GBP3: variants seen among roughly 807,000 people sequenced by gnomAD.
GBP3 encodes guanylate binding protein 3.
In GBP3, 55 loss-of-function variants were observed where a neutral mutation model predicts 62.4. The observed-to-expected ratio is 0.88, with a 90% CI of 0.71 to 1.10. The LOEUF (loss-of-function observed/expected upper bound fraction) is 1.10, where lower values mean the gene tolerates loss of function less well. GBP3 is among the 50% of genes least tolerant of loss of function. The pLI, the probability that GBP3 is intolerant of heterozygous loss-of-function variation, is 0.00. For missense variants in GBP3, 605 were observed against 690.6 expected (o/e 0.88, Z 1.39); for synonymous variants, 208 against 259.2 (o/e 0.80, Z 1.90).
intron 7 of GBP3, among the ~76,000 whole-genome samples, 160 bp from the exon 8 acceptor site, chr1:89,011,276 T>C (rs1326705953): frequency 7.2e-6 from 1 of 139,738 alleles, no homozygotes; most frequent in South Asian, 2.3e-4. Flanking sequence ...CCCCACTTTC[T>C]ACTGAAATCG....
chr1:89,010,818 T>C (rs972810698), intron 8 of GBP3, 86 bp downstream of exon 8: 1 of 1,421,374 alleles, frequency 7.0e-7, no homozygotes, highest in African/African-American at 1.4e-5. Context: ...AAAAAGCACA[T>C]CTGTGTGCAG....
Position 89,013,256 on chromosome 1 carries a change from T to C in GBP3, c.797A>G (p.Asp266Gly), listed in dbSNP as rs1441861348. 1 of 1,614,206 alleles carries C rather than the reference T, an allele frequency of 6.2e-7. No individual in the cohort carries two copies. The change falls in exon 6 of 11, where the codon GAC becomes GGC. Residue 266 changes from aspartate to glycine, a missense_variant. Transcript: ENST00000370481. Reference sequence around the variant, plus strand: ...ATTGCTAAAGATGTAGGAACAGAAGTCTGCTACTTGTTGCACAAATTCAGG... The same window carrying C: ...ATTGCTAAAGATGTAGGAACAGAAGCCTGCTACTTGTTGCACAAATTCAGG... ...LDPEFVQQVA[D>G]FCSYIFSNSK...
At chr1:89,014,008 T>A in intron 5 of GBP3, 75 bp downstream of exon 5, 1 of 1,453,712 alleles carries the variant, frequency 6.9e-7, no homozygotes, top group Non-Finnish European at 9.6e-7. Context: ...GTGAGAAAAC[T>A]ATCAATAGTA....
intron 2 of GBP3, among the ~76,000 whole-genome samples, chr1:89,018,664 T>C (rs956609214): frequency 6.6e-6 from 1 of 152,186 alleles, no homozygotes; most frequent in Non-Finnish European, 1.5e-5. Flanking sequence ...CTGTATACTG[T>C]ACTTCTGCAT....
chr1:89,017,035 A>C (rs1170705577), intron 2 of GBP3, among the ~76,000 whole-genome samples: 2 of 152,234 alleles, frequency 1.3e-5, no homozygotes, highest in Non-Finnish European at 2.9e-5. Flanking sequence ...AAATTTCAAG[A>C]GATCCCCAAA....
In GBP3 at chr1:89,014,292, C is replaced by T; in HGVS notation, c.429-13G>A. 2 of 1,614,008 alleles carry T rather than the reference C, an allele frequency of 1.2e-6. No individual in the cohort carries two copies. The highest frequency in any genetic ancestry group is 2.2e-5 in the South Asian group (2 of 91,086). On this transcript the variant is annotated splice_polypyrimidine_tract_variant and intron_variant, in intron 4 of 10. Coordinates refer to ENST00000370481, the MANE Select transcript of GBP3 (RefSeq NM_018284.3). ...CTCTGTCACATAGCTGAGTAGCTAA[C>T]TAAGGAAATGTGACAAAATGAACAG... is the stretch of plus-strand genomic sequence containing the variant.
rs1359058878 is a variant in GBP3, at chr1:89,007,475, A to G, written c.*249T>C. On this transcript the variant is annotated 3_prime_UTR_variant, in exon 11 of 11. Transcript: ENST00000370481. Reference sequence around the variant, plus strand: ...TCAGTATCCACTGGTCGTCTGGAAGAATAAACTTCTGAGTGGTGGCAACTC... The same window carrying G: ...TCAGTATCCACTGGTCGTCTGGAAGGATAAACTTCTGAGTGGTGGCAACTC... 13 of 359,958 alleles carry G rather than the reference A, an allele frequency of 3.6e-5. No homozygotes were observed. The highest frequency in any genetic ancestry group is 5.0e-5 in the Non-Finnish European group (10 of 199,008). The allele number at this position is 359,958 out of a possible 1,614,324, so 22.3% of individuals were successfully genotyped here.
intron 2 of GBP3, 196 bp downstream of exon 2, chr1:89,020,336 T>C (rs1399615251): frequency 4.6e-6 from 3 of 645,270 alleles, no homozygotes; most frequent in Non-Finnish European, 5.5e-6. Flanking sequence ...GAACAGTCAA[T>C]TGAGATAACT....
chr1:89,013,065 TG>T, intron 6 of GBP3, 119 bp downstream of exon 6: 1 of 1,110,290 alleles, frequency 9.0e-7, no homozygotes, highest in Non-Finnish European at 1.3e-6. Context: ...CTCAAACTCC[TG>T]GCCTCAAGTG....
chr1:89,007,959 G>T, intron 10 of GBP3, 107 bp from the exon 11 acceptor site: 2 of 1,003,488 alleles, frequency 2.0e-6, no homozygotes, highest in Middle Eastern at 2.2e-4. Flanking sequence ...TTTTTTTCTT[G>T]AAATTTTCTC....
intron 10 of GBP3, chr1:89,008,731 A>C: frequency 2.5e-6 from 2 of 807,404 alleles, no homozygotes; most frequent in Non-Finnish European, 3.8e-6. Context: ...AGGATACACT[A>C]AAACGGGACT....
rs187221398 is a variant in GBP3, at chr1:89,008,161, C to G, written c.1660-309G>C. On this transcript the variant is annotated intron_variant, in intron 10 of 10. Coordinates refer to ENST00000370481, the MANE Select transcript of GBP3 (RefSeq NM_018284.3). ...CAATATATTTGACTTCAAATCTTCCCTATGCATTATAGACTTTTTAACACA... is the reference window on the plus strand; with the variant it reads ...CAATATATTTGACTTCAAATCTTCCGTATGCATTATAGACTTTTTAACACA... Among the ~76,000 whole-genome samples the G allele has an allele frequency of 1.6e-4, 24 of 151,916 alleles. No homozygotes were observed. In the East Asian group the frequency reaches 3.1e-3, roughly 20 times the overall value.
At chr1:89,021,499 T>TGCGCGCGCGCGCGC (rs143944083) in intron 1 of GBP3, among the ~76,000 whole-genome samples, 4 of 119,050 alleles carry the variant, frequency 3.4e-5, no homozygotes, top group African/African-American at 1.2e-4. Context: ...GAAACACGCA[T>TGCGCGCGCGCGCGC]GCGCGCGCGC....
At position 89,013,364 on chromosome 1, in the gene GBP3, T is replaced by C. The variant is rs761189801; in HGVS notation, c.689A>G (p.Lys230Arg). Residue 230 changes from lysine (K) to arginine (R), a missense_variant, in exon 6 of 11, where the codon AAG becomes AGG. Around this residue, in one of 3 missense-constraint regions of GBP3, gnomAD observed 308 missense variants for 318.0 expected, o/e 0.97. Coordinates refer to ENST00000370481, the MANE Select transcript of GBP3 (RefSeq NM_018284.3). ...CAGATCGAAGACAAAACATTTTTTC[T>C]TTGGGAAGAACTTCCGGATACAGAG... ...PRLCIRKFFP[K>R]KKCFVFDLPI... is the part of the protein sequence containing the mutation. 6.2e-7 allele frequency: 1 copy of C among 1,614,204 alleles called. No homozygotes were observed. The highest frequency in any genetic ancestry group is 8.5e-7 in the Non-Finnish European group (1 of 1,180,036).
At chr1:89,021,562 C>T (rs1477085490) in intron 1 of GBP3, among the ~76,000 whole-genome samples, 1 of 140,232 alleles carries the variant, frequency 7.1e-6, no homozygotes, top group Non-Finnish European at 1.6e-5. Context: ...AAAACCAAAC[C>T]AAACAAACAA....
chr1:89,010,762 CT>C, intron 8 of GBP3, 141 bp downstream of exon 8: 2 of 1,088,848 alleles, frequency 1.8e-6, no homozygotes, highest in African/African-American at 4.9e-5. Context: ...AACAGTCTCC[CT>C]CCCTGCATAT....
At chr1:89,018,078 C>T (rs941382372) in intron 2 of GBP3, among the ~76,000 whole-genome samples, 3 of 119,402 alleles carry the variant, frequency 2.5e-5, no homozygotes, top group Non-Finnish European at 5.5e-5. Context: ...GACTGTGTCT[C>T]AAAAAAAAAA....
rs371360051 is a variant in GBP3 at position 89,011,596 on chromosome 1, T to A, written c.1149+151A>T. ...TTTGAGTCTGAAGTAATAAAATTGTTTTTGTCTGATTATTATGATTACCAA... is the reference window on the plus strand; with the variant it reads ...TTTGAGTCTGAAGTAATAAAATTGTATTTGTCTGATTATTATGATTACCAA... On this transcript the variant is annotated intron_variant, in intron 7 of 10. Transcript: ENST00000370481. 11 of 1,011,698 alleles carry A rather than the reference T, an allele frequency of 1.1e-5. 1 individual carries two copies. The highest frequency in any genetic ancestry group is 9.1e-5 in the African/African-American group (6 of 65,972). 62.7% of individuals were successfully genotyped at this position (1,011,698 alleles called of 1,614,324 possible).
intron 2 of GBP3, among the ~76,000 whole-genome samples, chr1:89,018,104 G>C (rs1017735574): frequency 6.6e-6 from 1 of 151,870 alleles, no homozygotes; most frequent in Non-Finnish European, 1.5e-5. Context: ...TAAAATAACT[G>C]TAGGGAGACC....
Sources: gnomAD v4.1 joint callset for allele counts (sites outside exome capture counted in the v4.1 genomes callset) on GRCh38, gnomAD v4.1.1 for gene constraint, gnomAD v4.1.1 regional missense constraint, MANE v1.5 for transcripts, NCBI Gene and HGNC (gene_info 2026-07-23, HGNC 2026-07-21) for gene names.